Variants in DSCAM observed in about 807,000 individuals in gnomAD.
DSCAM encodes cell adhesion molecule DSCAM.
A neutral mutation model predicts 217.7 loss-of-function variants in DSCAM; 47 were observed. The ratio of observed to expected loss-of-function variants is 0.22; its 90% CI spans 0.17 to 0.28. The LOEUF (loss-of-function observed/expected upper bound fraction) is 0.28. Among genes scored for constraint, DSCAM ranks in the 10% least tolerant of loss-of-function variants. The pLI is 1.00. For missense variants in DSCAM, 2,080 were observed against 2,618.3 expected, an observed-to-expected ratio of 0.79 and a Z score of 4.49; for synonymous variants, 1,056 against 1,015.3, an observed-to-expected ratio of 1.04 and a Z score of -0.76.
chr21:40,597,529 C>G (rs1173420342), intron 3 of DSCAM, among the ~76,000 whole-genome samples: 1 of 95,428 alleles, frequency 1.0e-5, no homozygotes, highest in Non-Finnish European at 1.9e-5. Flanking sequence ...TTTTTGGAGA[C>G]AGAGTTTTAC....
intron 3 of DSCAM, among the ~76,000 whole-genome samples, chr21:40,398,258 T>C (rs1458849505): frequency 6.6e-6 from 1 of 152,220 alleles, no homozygotes; most frequent in Non-Finnish European, 1.5e-5. Flanking sequence ...TCAGTTATTC[T>C]GAGCATCCTG....
Position 40,637,310 on chromosome 21 carries a change from T to TAAATATATATAAATATAAATATATATAA in DSCAM, c.508+55472_508+55499dup, listed in dbSNP as rs1568954103. On this transcript the variant is annotated intron_variant, in intron 3 of 32. Transcript: ENST00000400454. ...ATATATATAAATATAAATATATATA[T>TAAATATATATAAATATAAATATATATAA]AAATATATATAAATATAAATATATA... is the stretch of plus-strand genomic sequence containing the variant. 1.1e-3 allele frequency among the ~76,000 whole-genome samples: 28 copies of TAAATATATATAAATATAAATATATATAA among 25,948 alleles called. 2 individuals are homozygous for TAAATATATATAAATATAAATATATATAA. Among genetic ancestry groups the TAAATATATATAAATATAAATATATATAA allele is most frequent in the Admixed American group, 2.1e-3 (2 of 956 alleles). 17.0% of individuals were successfully genotyped at this position (25,948 alleles called of 152,430 possible).
intron 3 of DSCAM, among the ~76,000 whole-genome samples, chr21:40,482,117 G>A (rs1207750739): frequency 1.3e-5 from 2 of 152,154 alleles, no homozygotes; most frequent in Admixed American, 1.3e-4. Context: ...ATTTGTACAT[G>A]AAAATGGCTC....
At chr21:40,067,087 C>T (rs1038508086) in intron 27 of DSCAM, among the ~76,000 whole-genome samples, 7 of 152,194 alleles carry the variant, frequency 4.6e-5, no homozygotes, top group South Asian at 2.1e-4. Context: ...CTATCTTCAA[C>T]GTGCTCAGAA....
In DSCAM at chr21:40,713,352, T is replaced by C. The variant is rs1055764430; in HGVS notation, c.44-4581A>G. ...CAATGACACACAATCCTGCAGGGCA[T>C]TGAGACGTGTGTTGTGTCACAGTTA... On this transcript the variant is annotated intron_variant, in intron 1 of 32. Coordinates refer to ENST00000400454, the MANE Select transcript of DSCAM (RefSeq NM_001389.5). 5.9e-5 allele frequency among the ~76,000 whole-genome samples: 9 copies of C among 152,186 alleles called. 1 individual carries two copies. Among genetic ancestry groups the C allele is most frequent in the Middle Eastern group, 6.3e-3 (2 of 316 alleles).
intron 3 of DSCAM, among the ~76,000 whole-genome samples, chr21:40,454,366 T>A (rs77975090): frequency 6.6e-6 from 1 of 152,178 alleles, no homozygotes; most frequent in Non-Finnish European, 1.5e-5. Flanking sequence ...AATTGAAGGA[T>A]TGTCAAAAGG....
chr21:40,378,551 CTTATTTTTTTTTTTTTTTTTTTTTTTTT>C (rs2074986875), intron 3 of DSCAM, among the ~76,000 whole-genome samples: 8 of 101,388 alleles, frequency 7.9e-5, no homozygotes, highest in Admixed American at 2.0e-4. Context: ...ACAATGAAAA[CTTATTTTTTTTTTTTTTTTTTTTTTTTT>C]TTTTTTTTTT....
chr21:40,288,158 C>A (rs1438461561), intron 10 of DSCAM, among the ~76,000 whole-genome samples: 1 of 152,102 alleles, frequency 6.6e-6, no homozygotes, highest in Non-Finnish European at 1.5e-5. Flanking sequence ...AGCTCTTGAC[C>A]CCTTTCCGCC....
Position 40,180,529 on chromosome 21 carries a change from A to G in DSCAM, c.2780-1435T>C, listed in dbSNP as rs536153699. Among the ~76,000 whole-genome samples, 14 of 152,320 alleles carry G rather than the reference A, an allele frequency of 9.2e-5. No individual in the cohort carries two copies. The South Asian group carries it at 1.5e-3, about 16-fold the overall frequency. The stretch of plus-strand genomic sequence containing the variant: ...AAGACAAATGAGGAGAGGAAATTTT[A>G]TATCAATGAAACGGCACACACCTAT... On this transcript the variant is annotated intron_variant, in intron 14 of 32. Coordinates refer to ENST00000400454, the MANE Select transcript of DSCAM (RefSeq NM_001389.5).
At chr21:40,454,603 C>T (rs1040481209) in intron 3 of DSCAM, among the ~76,000 whole-genome samples, 2 of 152,164 alleles carry the variant, frequency 1.3e-5, no homozygotes, top group African/African-American at 4.8e-5. Flanking sequence ...AGAGTTTATA[C>T]AATTCATCTT....
intron 16 of DSCAM, among the ~76,000 whole-genome samples, chr21:40,148,739 C>G (rs1042656113): frequency 5.3e-5 from 8 of 152,150 alleles, no homozygotes; most frequent in Non-Finnish European, 7.4e-5. Context: ...ATCTTTACCA[C>G]CATCATCACC....
intron 11 of DSCAM, among the ~76,000 whole-genome samples, chr21:40,266,389 C>A (rs1348041705): frequency 6.6e-6 from 1 of 151,950 alleles, no homozygotes; most frequent in Non-Finnish European, 1.5e-5. Context: ...GGAACACTTA[C>A]ACACTGCTGG....
intron 8 of DSCAM, among the ~76,000 whole-genome samples, chr21:40,314,196 G>A (rs772003925): frequency 1.2e-4 from 18 of 152,176 alleles, no homozygotes; most frequent in African/African-American, 2.2e-4. Flanking sequence ...CTCTTATTTC[G>A]TATTATCACT....
At chr21:40,688,704 C>T (rs374097039) in intron 3 of DSCAM, among the ~76,000 whole-genome samples, 224 of 152,306 alleles carry the variant, frequency 1.5e-3, no homozygotes, top group African/African-American at 4.7e-3. Context: ...TACGACCCCA[C>T]CCCCATCCAT....
At chr21:40,029,008 T>A (rs555147663) in intron 32 of DSCAM, among the ~76,000 whole-genome samples, 13 of 152,080 alleles carry the variant, frequency 8.5e-5, no homozygotes, top group African/African-American at 3.1e-4. Context: ...CAATTACAAG[T>A]CCTAAAAATG....
chr21:40,233,567 A>G (rs1480002998), intron 11 of DSCAM, among the ~76,000 whole-genome samples: 1 of 152,086 alleles, frequency 6.6e-6, no homozygotes, highest in East Asian at 1.9e-4. Flanking sequence ...ATAATTAGAG[A>G]CTTTTTGCCC....
intron 3 of DSCAM, among the ~76,000 whole-genome samples, chr21:40,495,893 A>G (rs561506029): frequency 1.3e-5 from 2 of 152,300 alleles, no homozygotes; most frequent in East Asian, 3.9e-4. Flanking sequence ...ACAATGAACT[A>G]TCCAAAAAAG....
chr21:40,084,252 A>T (rs1265646308), intron 23 of DSCAM, among the ~76,000 whole-genome samples: 1 of 151,984 alleles, frequency 6.6e-6, no homozygotes, highest in Non-Finnish European at 1.5e-5. Flanking sequence ...TTCATATCTA[A>T]CTCATTTCCT....
chr21:40,116,651 T>C (rs1319438485), intron 20 of DSCAM, among the ~76,000 whole-genome samples: 4 of 151,878 alleles, frequency 2.6e-5, no homozygotes, highest in African/African-American at 4.8e-5. Context: ...TGTCTATTTT[T>C]AGGCCAACTT....
Sources: allele counts gnomAD v4.1 joint callset (sites outside exome capture counted in the v4.1 genomes callset), GRCh38; gene constraint gnomAD v4.1.1; transcripts MANE v1.5; gene names NCBI Gene and HGNC (gene_info 2026-07-23, HGNC 2026-07-21).